The following IMMP2L variants were observed in gnomAD, a reference collection of about 807,000 sequenced individuals.
IMMP2L encodes the protein inner mitochondrial membrane peptidase subunit 2.
A neutral mutation model predicts 19.3 loss-of-function variants in IMMP2L; 18 were observed. The ratio of observed to expected loss-of-function variants is 0.93; its 90% CI spans 0.64 to 1.38. IMMP2L has a LOEUF of 1.38. IMMP2L is among the 40% of genes most tolerant of loss of function. IMMP2L has a pLI of 0.00. For synonymous variants in IMMP2L, 76 were observed against 73.0 expected, an observed-to-expected ratio of 1.04 and a Z score of -0.21; for missense variants, 233 against 218.2, an observed-to-expected ratio of 1.07 and a Z score of -0.43.
chr7:110,794,631 C>T (rs1317318745), intron 5 of IMMP2L, among the ~76,000 whole-genome samples: 5 of 151,934 alleles, frequency 3.3e-5, no homozygotes, highest in Non-Finnish European at 5.9e-5. Context: ...ACAAAATCCC[C>T]AGCCTCCTAG....
At chr7:110,720,322 G>A (rs908148559) in intron 5 of IMMP2L, among the ~76,000 whole-genome samples, 5 of 152,202 alleles carry the variant, frequency 3.3e-5, no homozygotes, top group African/African-American at 9.6e-5. Flanking sequence ...GCCCCTGGTT[G>A]AGCCTGGTAA....
At chr7:110,807,187 C>T (rs767243412) in intron 5 of IMMP2L, among the ~76,000 whole-genome samples, 1 of 151,962 alleles carries the variant, frequency 6.6e-6, no homozygotes, top group Non-Finnish European at 1.5e-5. Flanking sequence ...ACTCTGGTTT[C>T]TCCTCTATGC....
chr7:111,224,928 A>G (rs2129621349), intron 3 of IMMP2L, among the ~76,000 whole-genome samples: 1 of 152,162 alleles, frequency 6.6e-6, no homozygotes, highest in East Asian at 1.9e-4. Context: ...TAGTTCCATT[A>G]TATCTCAAAT....
chr7:111,421,271 T>TC (rs1177685584), intron 3 of IMMP2L, among the ~76,000 whole-genome samples: 3 of 120,478 alleles, frequency 2.5e-5, no homozygotes, highest in Non-Finnish European at 3.6e-5. Context: ...TTTTTTCTTT[T>TC]TTTTTTTTTT....
At chr7:110,700,335 G>C (rs942173936) in intron 5 of IMMP2L, among the ~76,000 whole-genome samples, 1 of 138,170 alleles carries the variant, frequency 7.2e-6, no homozygotes, top group Non-Finnish European at 1.7e-5. Context: ...CCACAGCACT[G>C]AAGTTTCAGC....
intron 5 of IMMP2L, among the ~76,000 whole-genome samples, chr7:110,818,813 A>T (rs1011917573): frequency 6.6e-5 from 10 of 151,866 alleles, no homozygotes; most frequent in African/African-American, 2.4e-4. Context: ...CTTTGTAGGG[A>T]CATGGATGAA....
chr7:111,385,255 T>A (rs1831618922), intron 3 of IMMP2L, among the ~76,000 whole-genome samples: 1 of 152,156 alleles, frequency 6.6e-6, no homozygotes, highest in Non-Finnish European at 1.5e-5. Flanking sequence ...GAAAGTCAAG[T>A]GGTTGGTACC....
At chr7:111,102,592 C>G (rs1798090224) in intron 3 of IMMP2L, among the ~76,000 whole-genome samples, 1 of 151,084 alleles carries the variant, frequency 6.6e-6, no homozygotes, top group Non-Finnish European at 1.5e-5. Context: ...TTAAATCAGT[C>G]AAATAAAAGA....
intron 4 of IMMP2L, among the ~76,000 whole-genome samples, chr7:110,896,339 A>C (rs1211374820): frequency 1.3e-5 from 2 of 151,958 alleles, no homozygotes. Context: ...AGATACCATA[A>C]TTAGTTTACC....
At chr7:111,082,609 C>T (rs1795976555) in intron 3 of IMMP2L, among the ~76,000 whole-genome samples, 1 of 152,156 alleles carries the variant, frequency 6.6e-6, no homozygotes, top group Non-Finnish European at 1.5e-5. Context: ...TTCAGCACAG[C>T]CCCTTCAGAC....
chr7:110,846,329 G>A lies in IMMP2L; in HGVS notation c.408+40264C>T, dbSNP rs532456827. 1.0e-4 allele frequency among the ~76,000 whole-genome samples: 15 copies of A among 150,018 alleles called. No individual in the cohort carries two copies. The South Asian group carries it at 2.4e-3, about 24-fold the overall frequency. ...GATCCTGCCTACCTTGCTTCACAGC[G>A]TCTCTCCAACCCTGATTTCTTTTTT... is the stretch of plus-strand genomic sequence containing the variant. On this transcript the variant is annotated intron_variant, in intron 5 of 5. Transcript: ENST00000405709.
chr7:110,744,471 A>C (rs1249971911), intron 5 of IMMP2L, among the ~76,000 whole-genome samples: 1 of 152,152 alleles, frequency 6.6e-6, no homozygotes, highest in Non-Finnish European at 1.5e-5. Context: ...TCCCAGTAGG[A>C]GCCAACAGAC....
intron 2 of IMMP2L, among the ~76,000 whole-genome samples, chr7:111,520,098 C>T (rs775978805): frequency 7.9e-5 from 12 of 152,096 alleles, no homozygotes; most frequent in East Asian, 3.9e-4. Flanking sequence ...AAAGAGGCAA[C>T]GAATGTAAAA....
intron 5 of IMMP2L, among the ~76,000 whole-genome samples, chr7:110,791,800 C>G (rs1054450338): frequency 1.3e-5 from 2 of 151,806 alleles, no homozygotes; most frequent in Non-Finnish European, 2.9e-5. Flanking sequence ...ATGTGTCCAG[C>G]AGACAGGAGC....
In IMMP2L at chr7:110,757,655, T is replaced by A. The variant is rs1798112569; in HGVS notation, c.409-93934A>T. Among the ~76,000 whole-genome samples the A allele has an allele frequency of 2.0e-5, 3 of 152,154 alleles. No individual in the cohort carries two copies. Among genetic ancestry groups the A allele is most frequent in the African/African-American group, 7.2e-5 (3 of 41,456 alleles). On this transcript the variant is annotated intron_variant, in intron 5 of 5. Transcript: ENST00000405709. This position sits in a 1 kb window ranked among gnomAD's most constrained non-coding sequence, Gnocchi z 4.2. ...GTTCTATAAGTGCTCCCAGCCCTTG[T>A]CCAGCAGTGGTAACAGCTCTGCTTT...
chr7:111,439,373 C>T (rs1323518041), intron 3 of IMMP2L, among the ~76,000 whole-genome samples: 1 of 151,776 alleles, frequency 6.6e-6, no homozygotes, highest in South Asian at 2.1e-4. Context: ...GGTACTCACA[C>T]ATTACATCAA....
intron 3 of IMMP2L, among the ~76,000 whole-genome samples, chr7:111,481,744 C>T (rs1229434515): frequency 6.6e-6 from 1 of 152,066 alleles, no homozygotes; most frequent in East Asian, 1.9e-4. Flanking sequence ...TAGTGTTTTC[C>T]ATCTCAGACT....
At chr7:110,838,617 C>G (rs938292410) in intron 5 of IMMP2L, among the ~76,000 whole-genome samples, 1 of 151,736 alleles carries the variant, frequency 6.6e-6, no homozygotes, top group Non-Finnish European at 1.5e-5. Context: ...CATGCTCAGC[C>G]CCCAAGCCAT....
rs115935183 is a variant in IMMP2L at position 111,404,515 on chromosome 7, C to A, written c.239+82723G>T. Among the ~76,000 whole-genome samples, 280 of 152,188 alleles carry A rather than the reference C, an allele frequency of 1.8e-3. 1 individual carries two copies. The highest frequency in any genetic ancestry group is 6.5e-3 in the African/African-American group (270 of 41,528). ...AGACTTTTAAATGCTTTCTGGAACT[C>A]TTTTTCCATTTAGAAATAAGTAACT... On this transcript the variant is annotated intron_variant, in intron 3 of 5. Coordinates refer to ENST00000405709, the MANE Select transcript of IMMP2L (RefSeq NM_032549.4).
Sources: gnomAD v4.1 joint callset for allele counts (sites outside exome capture counted in the v4.1 genomes callset) on GRCh38, gnomAD v4.1.1 for gene constraint, Gnocchi (gnomAD v3.1) non-coding constraint, MANE v1.5 for transcripts, NCBI Gene and HGNC (gene_info 2026-07-23, HGNC 2026-07-21) for gene names.